CCDC33: variants seen among roughly 807,000 people sequenced by gnomAD.
CCDC33 encodes the protein coiled-coil domain containing 33.
CCDC33 carries 94 observed loss-of-function variants against 91.9 expected under a neutral mutation model. The ratio of observed to expected loss-of-function variants is 1.02; its 90% CI spans 0.87 to 1.21. The LOEUF is 1.21. CCDC33 is among the 50% of genes most tolerant of loss of function. The pLI is 0.00. For synonymous variants in CCDC33, 396 were observed against 374.5 expected, an observed-to-expected ratio of 1.06 and a Z score of -0.66; for missense variants, 940 against 935.5, an observed-to-expected ratio of 1.00 and a Z score of -0.06.
chr15:74,320,171 G>A (rs1001557391), intron 11 of CCDC33, among the ~76,000 whole-genome samples: 2 of 152,268 alleles, frequency 1.3e-5, no homozygotes, highest in African/African-American at 2.4e-5. Flanking sequence ...TCCCCACTGC[G>A]CTCTGTTCAG....
chr15:74,266,800 C>T lies in CCDC33; in HGVS notation c.429+13C>T, dbSNP rs369124069. The T allele has an allele frequency of 2.5e-6, 4 of 1,595,002 alleles. No homozygotes were observed. The highest frequency in any genetic ancestry group is 3.4e-6 in the Non-Finnish European group (4 of 1,162,798). ...TGAGCTGGTGAAGGTGAGTCAGAGGCCTGGGGAAGTGCCGGGAGAGCAGGT... is the reference window on the plus strand; with the variant it reads ...TGAGCTGGTGAAGGTGAGTCAGAGGTCTGGGGAAGTGCCGGGAGAGCAGGT... On this transcript the variant is annotated intron_variant, in intron 4 of 18. Coordinates refer to ENST00000398814, the MANE Select transcript of CCDC33 (RefSeq NM_025055.5).
At chr15:74,239,949 G>T (rs1032321043) in intron 1 of CCDC33, among the ~76,000 whole-genome samples, 3 of 152,206 alleles carry the variant, frequency 2.0e-5, no homozygotes, top group African/African-American at 7.2e-5. Flanking sequence ...CGAGGACATT[G>T]GTTCTGATGC....
At chr15:74,334,914 G>C in intron 17 of CCDC33, 61 bp from the exon 18 acceptor site, 1 of 1,360,552 alleles carries the variant, frequency 7.3e-7, no homozygotes, top group Non-Finnish European at 1.1e-6. Flanking sequence ...TGGTTGTCCT[G>C]GCCATCAGGG....
upstream of CCDC33, among the ~76,000 whole-genome samples, chr15:74,231,643 C>A (rs776559466): frequency 6.6e-6 from 1 of 152,200 alleles, no homozygotes; most frequent in Non-Finnish European, 1.5e-5. Context: ...GGCCTGGAGT[C>A]AAATCCCAGC....
intron 10 of CCDC33, among the ~76,000 whole-genome samples, chr15:74,286,606 C>T (rs1370916410): frequency 1.3e-5 from 2 of 152,142 alleles, no homozygotes; most frequent in East Asian, 1.9e-4. Context: ...AATGCACCTC[C>T]CCATGAGGTG....
At chr15:74,290,961 G>A (rs529523168) in intron 10 of CCDC33, among the ~76,000 whole-genome samples, 1 of 152,318 alleles carries the variant, frequency 6.6e-6, no homozygotes, top group South Asian at 2.1e-4. Flanking sequence ...TGAGCCACAG[G>A]CAGGACTTTC....
At chr15:74,210,148 A>C (rs1033652804) in intron 2 of CCDC33, among the ~76,000 whole-genome samples, 1 of 152,226 alleles carries the variant, frequency 6.6e-6, no homozygotes, top group African/African-American at 2.4e-5. Context: ...TTTTAGTTCC[A>C]AAGGGTTAAA....
intron 12 of CCDC33, 94 bp downstream of exon 12, chr15:74,330,448 G>A: frequency 7.3e-7 from 1 of 1,377,550 alleles, no homozygotes; most frequent in Non-Finnish European, 9.8e-7. Flanking sequence ...TCTCCCAGAT[G>A]TGCATGCTGC....
At chr15:74,272,606 G>T (rs925492345) in intron 6 of CCDC33, among the ~76,000 whole-genome samples, 165 bp from the exon 7 acceptor site, 2 of 152,184 alleles carry the variant, frequency 1.3e-5, no homozygotes, top group African/African-American at 4.8e-5. Context: ...ATTGATGCAC[G>T]CCCAGCCCAG....
chr15:74,335,217 C>T, intron 18 of CCDC33, 129 bp downstream of exon 18: 1 of 795,154 alleles, frequency 1.3e-6, no homozygotes, highest in Non-Finnish European at 2.3e-6. Flanking sequence ...GGTCAGGAGT[C>T]CTAGGCTCCC....
chr15:74,335,491 T>C, intron 18 of CCDC33: 1 of 426,686 alleles, frequency 2.3e-6, no homozygotes, highest in Non-Finnish European at 4.2e-6. Flanking sequence ...AGCACACCCT[T>C]CTCAGATGGC....
At chr15:74,240,982 G>A (rs557105250) in intron 1 of CCDC33, among the ~76,000 whole-genome samples, 1 of 152,332 alleles carries the variant, frequency 6.6e-6, no homozygotes, top group African/African-American at 2.4e-5. Context: ...GGGAGTGGGG[G>A]GGTCATGGTG....
chr15:74,272,189 A>ACTCCCC (rs1199283918), intron 6 of CCDC33, among the ~76,000 whole-genome samples: 1 of 120,554 alleles, frequency 8.3e-6, no homozygotes, highest in African/African-American at 3.2e-5. Flanking sequence ...CCACCTCCCC[A>ACTCCCC]CTCCCCCTCC....
At chr15:74,274,673 A>G (rs1376067153) in intron 7 of CCDC33, among the ~76,000 whole-genome samples, 1 of 152,208 alleles carries the variant, frequency 6.6e-6, no homozygotes, top group Non-Finnish European at 1.5e-5. Flanking sequence ...ATTAAGAACC[A>G]ATCAGCAGGC....
intron 11 of CCDC33, among the ~76,000 whole-genome samples, chr15:74,298,980 A>C (rs2059742160): frequency 6.6e-6 from 1 of 152,050 alleles, no homozygotes; most frequent in African/African-American, 2.4e-5. Flanking sequence ...CAAAGTGCTG[A>C]GATTACAGAC....
intron 5 of CCDC33, among the ~76,000 whole-genome samples, chr15:74,270,342 C>T (rs2142423373): frequency 6.6e-6 from 1 of 152,246 alleles, no homozygotes; most frequent in Middle Eastern, 3.4e-3. Context: ...GAGGGATCAG[C>T]ATGTGCAAAG....
chr15:74,332,644 G>C, intron 15 of CCDC33, 35 bp from the exon 16 acceptor site: 1 of 1,606,788 alleles, frequency 6.2e-7, no homozygotes, highest in Non-Finnish European at 8.5e-7. Context: ...AAGCAGGAGA[G>C]CCCATCTCAC....
chr15:74,246,802 C>T (rs1255016519), intron 2 of CCDC33, among the ~76,000 whole-genome samples: 1 of 152,302 alleles, frequency 6.6e-6, no homozygotes, highest in East Asian at 1.9e-4. Context: ...CCATATGATC[C>T]CGCAATCTCA....
In CCDC33 at chr15:74,268,435, G is replaced by T. The variant is rs56107695; in HGVS notation, c.523G>T (p.Gly175Cys). The T allele has an allele frequency of 0.096, 154,129 of 1,611,394 alleles. 7,992 individuals are homozygous for T. Among genetic ancestry groups the T allele is most frequent in the Middle Eastern group, 0.17 (1,005 of 6,040 alleles). ...RKSSFIPRYI[G>C]CNHMALEIFL... ...GAGCAGCTTCATACCCCGCTACATC[G>T]GCTGCAACCACATGGCTCTGGAGGT... The change falls in exon 5 of 19, where the codon GGC (glycine) becomes TGC (cysteine). Residue 175 changes from glycine (G) to cysteine (C), a missense_variant. Transcript: ENST00000398814.
Sources: allele counts gnomAD v4.1 joint callset (sites outside exome capture counted in the v4.1 genomes callset), GRCh38; gene constraint gnomAD v4.1.1; transcripts MANE v1.5; gene names NCBI Gene and HGNC (gene_info 2026-07-23, HGNC 2026-07-21).